Variants in EXTL3 observed in about 807,000 individuals in gnomAD.
EXTL3 encodes the protein exostosin-like 3.
EXTL3 carries 27 observed loss-of-function variants against 69.3 expected under a neutral mutation model. The observed-to-expected ratio is 0.39, with a 90% CI of 0.29 to 0.54. The LOEUF is 0.54. Among genes scored for constraint, EXTL3 ranks in the 20% least tolerant of loss-of-function variants. The probability of loss-of-function intolerance (pLI) is 0.69; values close to 1 mark genes in which losing one functional copy is unlikely to be tolerated. For synonymous variants in EXTL3, 511 were observed against 499.4 expected, an observed-to-expected ratio of 1.02 and a Z score of -0.31; for missense variants, 1,003 against 1,231.8, an observed-to-expected ratio of 0.81 and a Z score of 2.78.
chr8:28,712,080 C>T (rs963192501), intron 1 of EXTL3, among the ~76,000 whole-genome samples: 9 of 151,946 alleles, frequency 5.9e-5, no homozygotes, highest in African/African-American at 1.9e-4. Context: ...ATCAGTGGGT[C>T]GGTGCCAGAG....
chr8:28,681,647 T>C (rs887435763), intron 1 of EXTL3, among the ~76,000 whole-genome samples: 13 of 152,202 alleles, frequency 8.5e-5, no homozygotes, highest in African/African-American at 3.1e-4. Flanking sequence ...TTCATTTCCT[T>C]TGGGTAAATA....
At chr8:28,609,976 G>A (rs1022708007) in intron 2 of EXTL3, among the ~76,000 whole-genome samples, 3 of 151,440 alleles carry the variant, frequency 2.0e-5, no homozygotes, top group Non-Finnish European at 4.4e-5. Context: ...GGCCAAAGCA[G>A]GTGGATCACC....
At chr8:28,622,998 G>T (rs897202989) in intron 1 of EXTL3, among the ~76,000 whole-genome samples, 2 of 152,044 alleles carry the variant, frequency 1.3e-5, no homozygotes, top group African/African-American at 4.8e-5. Flanking sequence ...CGGGCCGGAC[G>T]TGGGGCGCCT....
chr8:28,702,726 C>G (rs1800838344), intron 1 of EXTL3, among the ~76,000 whole-genome samples: 4 of 152,188 alleles, frequency 2.6e-5, no homozygotes, highest in Admixed American at 6.5e-5. Context: ...ATGTGATTTA[C>G]TTAAGAGTCG....
In EXTL3 at chr8:28,717,627, C is replaced by T. The variant is rs1261910814; in HGVS notation, c.1568C>T (p.Ala523Val). Residue 523 changes from alanine to valine, a missense_variant, in exon 3 of 7, where the codon GCT becomes GTT. Physicochemically the swap from Ala to Val is moderately conservative, Grantham distance 64. Around this residue, in one of 2 missense-constraint regions of EXTL3, gnomAD observed 742 missense variants for 815.4 expected, o/e 0.91. Transcript: ENST00000220562. This position sits in a 1 kb window ranked among gnomAD's most constrained non-coding sequence, Gnocchi z 8.3. ...CTCTGGGAGACTTACTTCTCCACTG[C>T]TGACAGTATTTTTAATACCGTGCTG... Reference protein sequence around the residue: ...RFLWETYFSTADSIFNTVLAM... With the variant: ...RFLWETYFSTVDSIFNTVLAM... 1 of 1,614,248 alleles carries T rather than the reference C, an allele frequency of 6.2e-7. No individual in the cohort carries two copies. The highest frequency in any genetic ancestry group is 2.2e-5 in the East Asian group (1 of 44,886).
chr8:28,657,734 G>GA (rs1212974436), intron 1 of EXTL3, among the ~76,000 whole-genome samples: 1 of 151,860 alleles, frequency 6.6e-6, no homozygotes, highest in Non-Finnish European at 1.5e-5. Flanking sequence ...GACCCGGGGG[G>GA]AAAAAACCTA....
chr8:28,716,008 T>C lies in EXTL3; in HGVS notation c.-52T>C. 1 of 1,464,936 alleles carries C rather than the reference T, an allele frequency of 6.8e-7. No homozygotes were observed. Among genetic ancestry groups the C allele is most frequent in the Non-Finnish European group, 9.4e-7 (1 of 1,068,952 alleles). 90.7% of individuals were successfully genotyped at this position (1,464,936 alleles called of 1,614,324 possible). ...GATCGTTTTGTGGAATAGCAACCCATGGTTATGGCGAGTGACCCGACGTGA... is the reference window on the plus strand; with the variant it reads ...GATCGTTTTGTGGAATAGCAACCCACGGTTATGGCGAGTGACCCGACGTGA... On this transcript the variant is annotated 5_prime_UTR_variant, in exon 3 of 7. The change abolishes an upstream ATG in the 5' untranslated region. Transcript: ENST00000220562. The surrounding 1 kb of genome is among the most constrained non-coding windows in gnomAD (Gnocchi z 7.1).
At chr8:28,707,464 C>T (rs995199469) in intron 1 of EXTL3, among the ~76,000 whole-genome samples, 5 of 152,220 alleles carry the variant, frequency 3.3e-5, no homozygotes, top group Non-Finnish European at 7.3e-5. Flanking sequence ...TATGAAAAAG[C>T]CCTCTCCTCC....
chr8:28,716,951 G>T lies in EXTL3; in HGVS notation c.892G>T (p.Val298Leu), dbSNP rs892795315. The T allele has an allele frequency of 4.3e-6, 7 of 1,614,102 alleles. No homozygotes were observed. In the Admixed American group the frequency reaches 8.3e-5, roughly 19 times the overall value. Reference protein sequence around the residue: ...LYNVSTGRAMVAQSTFYTVQY... With the variant: ...LYNVSTGRAMLAQSTFYTVQY... ...TAACGTCAGTACTGGCCGTGCCATG[G>T]TGGCCCAGTCCACCTTCTACACTGT... The change falls in exon 3 of 7, where the codon GTG becomes TTG. Residue 298 changes from valine (V) to leucine (L), a missense_variant. Coordinates refer to ENST00000220562, the MANE Select transcript of EXTL3 (RefSeq NM_001440.4). The surrounding 1 kb of genome is among the most constrained non-coding windows in gnomAD (Gnocchi z 7.1).
At chr8:28,718,943 G>A (rs1342354700) in intron 3 of EXTL3, among the ~76,000 whole-genome samples, 1 of 152,158 alleles carries the variant, frequency 6.6e-6, no homozygotes, top group South Asian at 2.1e-4. Context: ...TTAGTTCTGA[G>A]GAGTTTACCA....
Position 28,750,290 on chromosome 8 carries a change from T to G in EXTL3, c.2551-367T>G, listed in dbSNP as rs925285481. On this transcript the variant is annotated intron_variant, in intron 6 of 6. Coordinates refer to ENST00000220562, the MANE Select transcript of EXTL3 (RefSeq NM_001440.4). This position sits in a 1 kb window ranked among gnomAD's most constrained non-coding sequence, Gnocchi z 5.2. ...GTCTTCAATACCCAAAGCCCCTCTT[T>G]GGGTAGTCTTCAATATTTTGATTCA... Among the ~76,000 whole-genome samples the G allele has an allele frequency of 6.6e-6, 1 of 152,158 alleles. No individual in the cohort carries two copies. The highest frequency in any genetic ancestry group is 2.4e-5 in the African/African-American group (1 of 41,436).
At chr8:28,727,377 TA>T (rs112994294) in intron 3 of EXTL3, among the ~76,000 whole-genome samples, 53 of 152,146 alleles carry the variant, frequency 3.5e-4, no homozygotes, top group African/African-American at 1.2e-3. Flanking sequence ...ATAAACTTAC[TA>T]AAAAAAACTA....
In EXTL3 at chr8:28,732,930, C is replaced by T. The variant is rs140963755; in HGVS notation, c.2276+1580C>T. On this transcript the variant is annotated intron_variant, in intron 4 of 6. Coordinates refer to ENST00000220562, the MANE Select transcript of EXTL3 (RefSeq NM_001440.4). ...GTATTTTAGTAGAGATGGGGTTTCA[C>T]CATGTTGCCCAGGCTGATCTTGAAC... is the stretch of plus-strand genomic sequence containing the variant. Among the ~76,000 whole-genome samples the T allele has an allele frequency of 8.8e-3, 1,345 of 152,236 alleles. 18 individuals carry two copies. The highest frequency in any genetic ancestry group is 0.031 in the African/African-American group (1,290 of 41,530).
At chr8:28,619,268 A>C (rs1224006972), upstream of EXTL3, among the ~76,000 whole-genome samples, 4 of 7,024 alleles carry the variant, frequency 5.7e-4, no homozygotes, top group Admixed American at 3.0e-3. Context: ...CTTAGTGATA[A>C]AAAAAAAAAA....
intron 3 of EXTL3, among the ~76,000 whole-genome samples, chr8:28,729,322 T>C (rs11782385): frequency 0.99 from 144,910 of 146,624 alleles, 71,703 homozygotes; most frequent in Non-Finnish European, 1. Context: ...AATGTCTGGG[T>C]GCAGTGGCTC....
chr8:28,660,566 T>C (rs1305162972), intron 1 of EXTL3, among the ~76,000 whole-genome samples: 1 of 152,194 alleles, frequency 6.6e-6, no homozygotes, highest in Non-Finnish European at 1.5e-5. Flanking sequence ...CAATTTATCA[T>C]CTTAATCACT....
intron 1 of EXTL3, among the ~76,000 whole-genome samples, chr8:28,684,585 T>TA (rs1224576395): frequency 2.0e-5 from 3 of 151,710 alleles, no homozygotes; most frequent in Non-Finnish European, 4.4e-5. Context: ...CTATAGAAAA[T>TA]AAAAAATGTT....
At chr8:28,678,543 A>C (rs1807426694) in intron 1 of EXTL3, among the ~76,000 whole-genome samples, 1 of 152,250 alleles carries the variant, frequency 6.6e-6, no homozygotes, top group African/African-American at 2.4e-5. Context: ...ATCTCTGCAC[A>C]CGCTGGCTCC....
At chr8:28,697,408 G>C (rs1800701007), upstream of EXTL3, 1 of 152,224 alleles carries the variant, frequency 6.6e-6, no homozygotes, top group African/African-American at 2.4e-5. Flanking sequence ...GGAGCTGAAA[G>C]GACAGTGGAT....
Sources: gnomAD v4.1 joint callset for allele counts (sites outside exome capture counted in the v4.1 genomes callset) on GRCh38, gnomAD v4.1.1 for gene constraint, gnomAD v4.1.1 regional missense constraint, Gnocchi (gnomAD v3.1) non-coding constraint, MANE v1.5 for transcripts, NCBI Gene and HGNC (gene_info 2026-07-23, HGNC 2026-07-21) for gene names.